Variants in CAPN13 observed in about 807,000 individuals in gnomAD.
CAPN13 encodes the protein calpain-13.
In CAPN13, 90 loss-of-function variants were observed where a neutral mutation model predicts 98.4. That is an observed-to-expected ratio of 0.92 (90% CI 0.77 to 1.09). The LOEUF (loss-of-function observed/expected upper bound fraction) is 1.09, where lower values mean the gene tolerates loss of function less well. Ranked by LOEUF, CAPN13 falls within the 50% of genes least tolerant of loss-of-function variation. The pLI, the probability that CAPN13 is intolerant of heterozygous loss-of-function variation, is 0.00. For synonymous variants in CAPN13, 330 were observed against 305.5 expected (o/e 1.08, Z -0.84); for missense variants, 887 against 841.3 (o/e 1.05, Z -0.67).
chr2:30,767,240 C>T (rs1673158098), intron 5 of CAPN13, among the ~76,000 whole-genome samples: 1 of 152,166 alleles, frequency 6.6e-6, no homozygotes. Flanking sequence ...GGCTCTGAAA[C>T]CCCATAATTC....
In CAPN13 at chr2:30,776,055, G is replaced by A; in HGVS notation, c.272-10C>T. 1 of 1,593,270 alleles carries A rather than the reference G, an allele frequency of 6.3e-7. No homozygotes were observed. Among genetic ancestry groups the A allele is most frequent in the Non-Finnish European group, 8.6e-7 (1 of 1,165,898 alleles). ...AGGAACCAGCAGTCAGCTGTGAGGG[G>A]AGATAAGCCAGGAAAGGCTGATTGG... On this transcript the variant is annotated splice_polypyrimidine_tract_variant and intron_variant, in intron 3 of 22. Coordinates refer to ENST00000295055, the MANE Select transcript of CAPN13 (RefSeq NM_144575.3).
intron 2 of CAPN13, among the ~76,000 whole-genome samples, chr2:30,783,022 A>G (rs563316290): frequency 7.9e-5 from 12 of 152,352 alleles, no homozygotes; most frequent in African/African-American, 2.9e-4. Flanking sequence ...CATTTCCATC[A>G]TCACAGAATG....
chr2:30,748,848 C>T (rs1326215879), intron 11 of CAPN13, among the ~76,000 whole-genome samples: 1 of 152,160 alleles, frequency 6.6e-6, no homozygotes, highest in African/African-American at 2.4e-5. Flanking sequence ...TGATTTCTCT[C>T]CACCGAATTC....
intron 2 of CAPN13, among the ~76,000 whole-genome samples, chr2:30,783,145 C>T (rs752470330): frequency 2.6e-5 from 4 of 152,186 alleles, no homozygotes; most frequent in East Asian, 1.9e-4. Context: ...CATAATACTT[C>T]ACTCGTGTGC....
At chr2:30,779,622 T>TA (rs1673885859) in intron 2 of CAPN13, among the ~76,000 whole-genome samples, 1 of 152,106 alleles carries the variant, frequency 6.6e-6, no homozygotes, top group East Asian at 1.9e-4. Context: ...AAAAAGGCTA[T>TA]ACTCAGACAA....
chr2:30,734,609 T>C (rs757345119), intron 18 of CAPN13, 85 bp from the exon 19 acceptor site: 62 of 1,099,788 alleles, frequency 5.6e-5, no homozygotes, highest in Admixed American at 4.8e-4. Context: ...CTTGCTTCCC[T>C]AAACCTCAGA....
intron 2 of CAPN13, among the ~76,000 whole-genome samples, chr2:30,780,564 T>A (rs1673934895): frequency 7.7e-6 from 1 of 129,640 alleles, no homozygotes; most frequent in Admixed American, 7.6e-5. Flanking sequence ...AAAACAAAAA[T>A]TTTAGCTAAT....
intron 5 of CAPN13, among the ~76,000 whole-genome samples, chr2:30,764,880 T>C (rs1340409668): frequency 6.6e-6 from 1 of 152,156 alleles, no homozygotes; most frequent in African/African-American, 2.4e-5. Context: ...GCCACTGTTC[T>C]TACTCTGCAA....
intron 4 of CAPN13, among the ~76,000 whole-genome samples, chr2:30,773,033 C>A (rs1396259803): frequency 6.6e-6 from 1 of 152,152 alleles, no homozygotes; most frequent in Non-Finnish European, 1.5e-5. Flanking sequence ...ACCATGTTGG[C>A]CAGGATGGCT....
In CAPN13 at chr2:30,770,426, C is replaced by T. The variant is rs747428481; in HGVS notation, c.411G>A (p.Val137=). 1.2e-6 allele frequency: 2 copies of T among 1,614,004 alleles called. No homozygotes were observed. The highest frequency in any genetic ancestry group is 8.5e-7 in the Non-Finnish European group (1 of 1,179,862). ...GTAGGCGGTCATCAATCACCACTTCCACCCACTGGCCACATTGCCAGAACT... is the reference window on the plus strand; with the variant it reads ...GTAGGCGGTCATCAATCACCACTTCTACCCACTGGCCACATTGCCAGAACT... The part of the protein sequence containing the change: ...RFRFWQCGQW[V]EVVIDDRLPV... Residue 137 remains valine, a synonymous_variant, in exon 5 of 23, where the codon GTG becomes GTA. Transcript: ENST00000295055.
chr2:30,806,607 C>T (rs972949897), intron 1 of CAPN13, among the ~76,000 whole-genome samples: 2 of 152,208 alleles, frequency 1.3e-5, no homozygotes, highest in Non-Finnish European at 2.9e-5. Flanking sequence ...AATATCTGCA[C>T]TTATTCTAAT....
At chr2:30,751,074 A>C in intron 11 of CAPN13, 29 bp downstream of exon 11, 1 of 1,610,202 alleles carries the variant, frequency 6.2e-7, no homozygotes, top group Non-Finnish European at 8.5e-7. Flanking sequence ...AATTTCTACA[A>C]GGGAAAGCCC....
chr2:30,791,430 A>C (rs1327614971), intron 1 of CAPN13, among the ~76,000 whole-genome samples: 2 of 152,352 alleles, frequency 1.3e-5, no homozygotes, highest in African/African-American at 4.8e-5. Context: ...CATATCAGCT[A>C]TTCTTGAGTG....
intron 1 of CAPN13, among the ~76,000 whole-genome samples, chr2:30,798,645 G>T (rs933874352): frequency 1.3e-5 from 2 of 152,194 alleles, no homozygotes; most frequent in African/African-American, 4.8e-5. Context: ...GCTGCCTGCG[G>T]CCCTCTCCTG....
intron 20 of CAPN13, among the ~76,000 whole-genome samples, chr2:30,731,661 C>A (rs1364313275): frequency 6.6e-6 from 1 of 152,224 alleles, no homozygotes; most frequent in Non-Finnish European, 1.5e-5. Flanking sequence ...CTTCCTTGCA[C>A]TCCCTGCCCC....
intron 5 of CAPN13, among the ~76,000 whole-genome samples, chr2:30,769,260 A>AGT (rs1338546935): frequency 1.3e-5 from 2 of 151,880 alleles, no homozygotes; most frequent in South Asian, 4.2e-4. Context: ...GGGTGTGAGA[A>AGT]GTGTGTGTAG....
chr2:30,776,155 G>A (rs1673680407), intron 3 of CAPN13, 110 bp from the exon 4 acceptor site: 2 of 622,236 alleles, frequency 3.2e-6, no homozygotes, highest in South Asian at 4.9e-5. Context: ...TCTAAATAAT[G>A]CATTTTTTTT....
At chr2:30,733,372 A>T (rs72783015) in intron 19 of CAPN13, among the ~76,000 whole-genome samples, 1 of 151,238 alleles carries the variant, frequency 6.6e-6, no homozygotes, top group South Asian at 2.1e-4. Context: ...GAGCTCCATC[A>T]CCCCTTTCAC....
At chr2:30,796,440 A>T (rs1674888861) in intron 1 of CAPN13, among the ~76,000 whole-genome samples, 1 of 151,910 alleles carries the variant, frequency 6.6e-6, no homozygotes, top group African/African-American at 2.4e-5. Context: ...AATGGTCTGG[A>T]ATAGCTAAGA....
Sources: allele counts gnomAD v4.1 joint callset (sites outside exome capture counted in the v4.1 genomes callset), GRCh38; gene constraint gnomAD v4.1.1; transcripts MANE v1.5; gene names NCBI Gene and HGNC (gene_info 2026-07-23, HGNC 2026-07-21).